ATRIP: variants seen among roughly 807,000 people sequenced by gnomAD.
ATRIP encodes ATR-interacting protein.
Under a neutral mutation model 78.1 loss-of-function variants are expected in ATRIP, and 44 were observed. The ratio of observed to expected loss-of-function variants is 0.56; its 90% CI spans 0.44 to 0.72. The LOEUF (loss-of-function observed/expected upper bound fraction) is 0.72. Ranked by LOEUF, ATRIP falls within the 30% of genes least tolerant of loss-of-function variation. The pLI is 0.00. For synonymous variants in ATRIP, 388 were observed against 408.9 expected (o/e 0.95, Z 0.62); for missense variants, 927 against 980.2 (o/e 0.95, Z 0.72).
chr3:48,467,530 G>A lies in ATRIP; in HGVS notation c.*1976G>A, dbSNP rs772858415. ...AGGGAGGGGCTGCTGGCCCCACTGG[G>A]TCTGCTGGCCATCCTGACCTTGGCA... On this transcript the variant is annotated 3_prime_UTR_variant, in exon 13 of 13. Coordinates refer to ENST00000320211, the MANE Select transcript of ATRIP (RefSeq NM_130384.3). The A allele has an allele frequency of 1.9e-6, 3 of 1,613,656 alleles. No individual in the cohort carries two copies. Among genetic ancestry groups the A allele is most frequent in the Non-Finnish European group, 1.7e-6 (2 of 1,179,798 alleles).
chr3:48,452,397 CTT>C (rs2039856952), intron 3 of ATRIP, among the ~76,000 whole-genome samples: 1 of 152,074 alleles, frequency 6.6e-6, no homozygotes, highest in South Asian at 2.1e-4. Context: ...AGAATTAAGA[CTT>C]AGGGCCACAT....
chr3:48,450,693 T>C, intron 2 of ATRIP: 1 of 441,450 alleles, frequency 2.3e-6, no homozygotes, highest in Non-Finnish European at 3.9e-6. Context: ...TTTAAGCGAT[T>C]CACATGCCTT....
At position 48,454,998 on chromosome 3, in the gene ATRIP, G is replaced by A. The variant is rs575733199; in HGVS notation, c.671+580G>A. On this transcript the variant is annotated intron_variant, in intron 4 of 12. Transcript: ENST00000320211. ...CTCCTTCAGCCTCCTGAGTAGCTGGGACTACAGGCACACACCACCACGCCC... is the reference window on the plus strand; with the variant it reads ...CTCCTTCAGCCTCCTGAGTAGCTGGAACTACAGGCACACACCACCACGCCC... 2.6e-5 allele frequency among the ~76,000 whole-genome samples: 4 copies of A among 152,110 alleles called. 1 individual carries two copies. The Middle Eastern group carries it at 0.01, about 388-fold the overall frequency.
At position 48,463,845 on chromosome 3, in the gene ATRIP, C is replaced by G. The variant is rs763652758; in HGVS notation, c.1846C>G (p.His616Asp). The G allele has an allele frequency of 3.1e-6, 5 of 1,614,132 alleles. No individual in the cohort carries two copies. The South Asian group carries it at 5.5e-5, about 18-fold the overall frequency. The change falls in exon 9 of 13, where the codon CAC becomes GAC. Residue 616 changes from histidine (H) to aspartate (D), a missense_variant. His to Asp is a moderately conservative substitution (Grantham distance 81, BLOSUM62 -1). Transcript: ENST00000320211. ...TGAGCTCCTCTCCCTGCTGGCGGAC[C>G]ACGACCAGCTGGCACCTCAGCTCTG... is the stretch of plus-strand genomic sequence containing the variant. ...AVELLSLLAD[H>D]DQLAPQLCSH...
In ATRIP at chr3:48,454,382, C is replaced by G; in HGVS notation, c.635C>G (p.Ala212Gly). 1 of 1,613,464 alleles carries G rather than the reference C, an allele frequency of 6.2e-7. No homozygotes were observed. The highest frequency in any genetic ancestry group is 2.2e-5 in the East Asian group (1 of 44,864). Residue 212 changes from alanine to glycine, a missense_variant, in exon 4 of 13, where the codon GCA (alanine) becomes GGA (glycine). Physicochemically the swap from Ala to Gly is moderately conservative, Grantham distance 60. Coordinates refer to ENST00000320211, the MANE Select transcript of ATRIP (RefSeq NM_130384.3). ...LRTKLQTSER[A>G]NKLAAPSVSH... ...ACAAAGCTCCAGACCAGTGAACGAGCAAATAAACTGGCTGCTCCCTCTGTT... is the reference window on the plus strand; with the variant it reads ...ACAAAGCTCCAGACCAGTGAACGAGGAAATAAACTGGCTGCTCCCTCTGTT...
Position 48,454,422 on chromosome 3 carries a change from A to G in ATRIP, c.671+4A>G. The G allele has an allele frequency of 6.3e-7, 1 of 1,595,114 alleles. No individual in the cohort carries two copies. On this transcript the variant is annotated splice_donor_region_variant and intron_variant, in intron 4 of 12. Transcript: ENST00000320211. Reference sequence around the variant, plus strand: ...CTCCCTCTGTTTCCCATGTCAGGTAATGATGGTGCTGGAGGGATAGTTCAG... The same window carrying G: ...CTCCCTCTGTTTCCCATGTCAGGTAGTGATGGTGCTGGAGGGATAGTTCAG...
At chr3:48,453,024 A>G (rs750089363) in intron 3 of ATRIP, among the ~76,000 whole-genome samples, 1 of 151,918 alleles carries the variant, frequency 6.6e-6, no homozygotes, top group Non-Finnish European at 1.5e-5. Context: ...AGCTGGAACT[A>G]TAGGCACACA....
At position 48,460,580 on chromosome 3, in the gene ATRIP, G is replaced by C. The variant is rs370526464; in HGVS notation, c.1526G>C (p.Gly509Ala). The C allele has an allele frequency of 9.9e-6, 16 of 1,614,062 alleles. No individual in the cohort carries two copies. In the Admixed American group the frequency reaches 1.5e-4, roughly 15 times the overall value. Reference protein sequence around the residue: ...GVGADSAAGEGNRSLVHRLSD... With the variant: ...GVGADSAAGEANRSLVHRLSD... ...GGGGCAGATTCTGCTGCTGGGGAAG[G>C]AAACAGGAGCCTGGTTCACAGGCTT... The change falls in exon 8 of 13, where the codon GGA becomes GCA. Residue 509 changes from glycine (G) to alanine (A), a missense_variant. Coordinates refer to ENST00000320211, the MANE Select transcript of ATRIP (RefSeq NM_130384.3).
chr3:48,463,681 G>A, intron 8 of ATRIP, 64 bp from the exon 9 acceptor site: 2 of 1,600,516 alleles, frequency 1.2e-6, no homozygotes, highest in Admixed American at 1.7e-5. Context: ...CTAGTGGAGT[G>A]TGAAGGTAGG....
At chr3:48,456,154 T>A (rs960193847) in intron 4 of ATRIP, among the ~76,000 whole-genome samples, 2 of 151,846 alleles carry the variant, frequency 1.3e-5, no homozygotes, top group African/African-American at 4.8e-5. Flanking sequence ...ATTGAAAAGA[T>A]GTTTTGCACC....
In ATRIP at chr3:48,459,429, C is replaced by T; in HGVS notation, c.900C>T (p.Ser300=). 1 of 1,614,038 alleles carries T rather than the reference C, an allele frequency of 6.2e-7. No homozygotes were observed. Among genetic ancestry groups the T allele is most frequent in the Non-Finnish European group, 8.5e-7 (1 of 1,179,982 alleles). Residue 300 remains serine (S), a synonymous_variant, in exon 6 of 13, where the codon AGC becomes AGT. Coordinates refer to ENST00000320211, the MANE Select transcript of ATRIP (RefSeq NM_130384.3). The part of the protein sequence containing the change: ...QEEAQKSFVD[S]WRQRSNTQGS... ...AGGCCCAGAAAAGCTTTGTTGACAG[C>T]TGGAGACAGAGATCAAACACTCAAG...
chr3:48,463,761 C>G lies in ATRIP; in HGVS notation c.1762C>G (p.Gln588Glu). The change falls in exon 9 of 13, where the codon CAA becomes GAA. Residue 588 changes from glutamine to glutamate, a missense_variant. Transcript: ENST00000320211. ...GTCTTTTAGGTTCCAGTGTGTGTTCCAAGTGCTGCCAAAGTGCCTCAGCCC... is the reference window on the plus strand; with the variant it reads ...GTCTTTTAGGTTCCAGTGTGTGTTCGAAGTGCTGCCAAAGTGCCTCAGCCC... ...DFLPRFQCVFQVLPKCLSPET... is the reference protein window; with the variant it reads ...DFLPRFQCVFEVLPKCLSPET... 2 of 1,614,146 alleles carry G rather than the reference C, an allele frequency of 1.2e-6. No individual in the cohort carries two copies. The highest frequency in any genetic ancestry group is 8.5e-7 in the Non-Finnish European group (1 of 1,180,018).
At chr3:48,459,286 A>T in intron 5 of ATRIP, 73 bp from the exon 6 acceptor site, 1 of 1,263,778 alleles carries the variant, frequency 7.9e-7, no homozygotes, top group Non-Finnish European at 1.2e-6. Flanking sequence ...TTTTAAACTC[A>T]TTGCATGTAA....
At chr3:48,457,226 C>T in intron 4 of ATRIP, 33 bp from the exon 5 acceptor site, 1 of 1,504,700 alleles carries the variant, frequency 6.6e-7, no homozygotes, top group Non-Finnish European at 8.9e-7. Flanking sequence ...TTAGTAGAAT[C>T]ATTACTTTGC....
At position 48,467,119 on chromosome 3, in the gene ATRIP, G is replaced by GCAT. The variant is rs1272053329; in HGVS notation, c.*1568_*1570dup. On this transcript the variant is annotated 3_prime_UTR_variant, in exon 13 of 13. Transcript: ENST00000320211. ...CTGGATGGTGCCTTCTGTGTGGATA[G>GCAT]CATCACTGCGCTGAAGGCCCTGGAG... The GCAT allele has an allele frequency of 1.9e-6, 3 of 1,613,960 alleles. No individual in the cohort carries two copies. Among genetic ancestry groups the GCAT allele is most frequent in the South Asian group, 2.2e-5 (2 of 91,092 alleles).
chr3:48,467,573 A>C lies in ATRIP; in HGVS notation c.*2019A>C. ...CCTTGGCAGTAGCCACACTGTATGG[A>C]CTATCCCTGGCCACACCTGGGGAGT... On this transcript the variant is annotated 3_prime_UTR_variant, in exon 13 of 13. Coordinates refer to ENST00000320211, the MANE Select transcript of ATRIP (RefSeq NM_130384.3). 1 of 1,613,360 alleles carries C rather than the reference A, an allele frequency of 6.2e-7. No individual in the cohort carries two copies.
chr3:48,465,732 G>A lies in ATRIP; in HGVS notation c.*178G>A. ...CAGGACCCGGACCCTGAGTGGCTGG[G>A]ATCCTTCTTCCTGTCCCTGGCTGTT... is the stretch of plus-strand genomic sequence containing the variant. On this transcript the variant is annotated 3_prime_UTR_variant, in exon 13 of 13. Transcript: ENST00000320211. The A allele has an allele frequency of 1.6e-6, 1 of 606,958 alleles. No homozygotes were observed. The allele number at this position is 606,958 out of a possible 1,614,324, so 37.6% of individuals were successfully genotyped here. A position where few individuals can be genotyped will look rare whatever the true frequency, so the allele number is the denominator to read the frequency against.
Position 48,446,973 on chromosome 3 carries a change from C to A in ATRIP, c.128C>A (p.Pro43Gln). 6.4e-7 allele frequency: 1 copy of A among 1,565,814 alleles called. No homozygotes were observed. The highest frequency in any genetic ancestry group is 8.6e-7 in the Non-Finnish European group (1 of 1,159,720). Residue 43 changes from proline (P) to glutamine (Q), a missense_variant, in exon 1 of 13, where the codon CCG (proline) becomes CAG (glutamine). By Grantham distance (76) the Pro-to-Gln change is moderately conservative. Transcript: ENST00000320211. ...CGGGGCTTCTCCGCAGCCGCTGCCC[C>A]GGACCCTGACGACCCGTTCGGCGCG... ...RARGFSAAAAPDPDDPFGAHG... is the reference protein window; with the variant it reads ...RARGFSAAAAQDPDDPFGAHG...
chr3:48,448,590 TC>T (rs2039748406), intron 1 of ATRIP, among the ~76,000 whole-genome samples: 1 of 152,272 alleles, frequency 6.6e-6, no homozygotes, highest in African/African-American at 2.4e-5. Flanking sequence ...CCTTTCTCAC[TC>T]TCTGGGTCCT....
Sources: allele counts gnomAD v4.1 joint callset (sites outside exome capture counted in the v4.1 genomes callset), GRCh38; gene constraint gnomAD v4.1.1; transcripts MANE v1.5; gene names NCBI Gene and HGNC (gene_info 2026-07-23, HGNC 2026-07-21).